RASA3: variants seen among roughly 807,000 people sequenced by gnomAD.
The protein encoded by RASA3 is RAS p21 protein activator 3.
RASA3 carries 73 observed loss-of-function variants against 110.0 expected under a neutral mutation model. That is an observed-to-expected ratio of 0.66 (90% CI 0.55 to 0.81). The LOEUF (loss-of-function observed/expected upper bound fraction) is 0.81. Ranked by LOEUF, RASA3 falls within the 30% of genes least tolerant of loss-of-function variation. RASA3 has a pLI of 0.00. For missense variants in RASA3, 976 were observed against 1,113.2 expected, an observed-to-expected ratio of 0.88 and a Z score of 1.75; for synonymous variants, 500 against 451.4, an observed-to-expected ratio of 1.11 and a Z score of -1.37.
chr13:114,017,390 G>A lies in RASA3; in HGVS notation c.1092-39C>T, dbSNP rs898691462. On this transcript the variant is annotated intron_variant, in intron 11 of 23. Transcript: ENST00000334062. ...ATGGGGACAGCGTTTGTCTCCTGGG[G>A]ACGCGGAAGTGCAGACGGAGCAGAG... is the stretch of plus-strand genomic sequence containing the variant. The A allele has an allele frequency of 2.6e-6, 4 of 1,546,240 alleles. No individual in the cohort carries two copies. The East Asian group carries it at 6.7e-5, about 26-fold the overall frequency.
At chr13:114,019,470 G>C (rs1338868895) in intron 9 of RASA3, among the ~76,000 whole-genome samples, 2 of 152,250 alleles carry the variant, frequency 1.3e-5, no homozygotes, top group Admixed American at 6.5e-5. Context: ...GGCAGTCTAA[G>C]CTCTCAGGTG....
At position 114,080,616 on chromosome 13, in the gene RASA3, G is replaced by A. The variant is rs371951313; in HGVS notation, c.56-6779C>T. ...TCTATGGTGACGGGGTGGCAGGAGG[G>A]GTCCTAGAAGGCGCCCACTGTGCTT... On this transcript the variant is annotated intron_variant, in intron 1 of 23. Transcript: ENST00000334062. Among the ~76,000 whole-genome samples the A allele has an allele frequency of 6.7e-5, 8 of 119,654 alleles. No homozygotes were observed. In the East Asian group the frequency reaches 1.7e-3, roughly 25 times the overall value. The allele number at this position is 119,654 out of a possible 152,430, so 78.5% of individuals were successfully genotyped here. A position where few individuals can be genotyped will look rare whatever the true frequency, so the allele number is the denominator to read the frequency against.
In RASA3 at chr13:114,057,417, C is replaced by T; in HGVS notation, c.174-5262G>A. On this transcript the variant is annotated intron_variant, in intron 2 of 23. Coordinates refer to ENST00000334062, the MANE Select transcript of RASA3 (RefSeq NM_007368.4). The surrounding 1 kb of genome is among the most constrained non-coding windows in gnomAD (Gnocchi z 5.0). The stretch of plus-strand genomic sequence containing the variant: ...TCCGGAGAGGCGGCCGTGCTACAGG[C>T]CTTGCACTCATTTTAATGAAGGCTC... The T allele has an allele frequency of 1.0e-6, 1 of 985,306 alleles. No homozygotes were observed. Among genetic ancestry groups the T allele is most frequent in the Non-Finnish European group, 1.2e-6 (1 of 829,916 alleles). The allele number at this position is 985,306 out of a possible 1,614,324, so 61.0% of individuals were successfully genotyped here.
intron 2 of RASA3, among the ~76,000 whole-genome samples, chr13:114,070,328 G>A (rs1019344120): frequency 2.0e-4 from 30 of 152,112 alleles, no homozygotes; most frequent in African/African-American, 6.8e-4. Context: ...CCCAGCATGT[G>A]GGGCAGCCCT....
chr13:114,015,470 G>A, intron 13 of RASA3, 138 bp from the exon 14 acceptor site: 1 of 1,021,206 alleles, frequency 9.8e-7, no homozygotes, highest in Non-Finnish European at 1.4e-6. Flanking sequence ...AGACACGTGT[G>A]AACAGCCACT....
At chr13:114,021,589 C>T (rs977699407) in intron 8 of RASA3, 81 bp from the exon 9 acceptor site, 1 of 1,164,626 alleles carries the variant, frequency 8.6e-7, no homozygotes, top group Non-Finnish European at 1.3e-6. Flanking sequence ...GCTTTGTTCC[C>T]CCAGGAGCAG....
At chr13:114,089,479 A>G (rs2079864516) in intron 1 of RASA3, among the ~76,000 whole-genome samples, 1 of 151,894 alleles carries the variant, frequency 6.6e-6, no homozygotes. Flanking sequence ...ACCAAGCAGA[A>G]GGTGCTGTCT....
intron 21 of RASA3, among the ~76,000 whole-genome samples, chr13:113,993,106 C>G (rs1294119666): frequency 6.6e-6 from 1 of 152,160 alleles, no homozygotes; most frequent in Non-Finnish European, 1.5e-5. Flanking sequence ...TATGAACACT[C>G]CAGACCTCAT....
chr13:114,059,262 A>G (rs1281871731), intron 2 of RASA3, among the ~76,000 whole-genome samples: 2 of 143,564 alleles, frequency 1.4e-5, no homozygotes, highest in Non-Finnish European at 3.1e-5. Flanking sequence ...GCATCTTCAC[A>G]GCACAGTCCC....
chr13:114,062,577 C>T (rs571675768), intron 2 of RASA3, among the ~76,000 whole-genome samples: 6 of 133,340 alleles, frequency 4.5e-5, no homozygotes, highest in South Asian at 2.3e-4. Flanking sequence ...CTCGGACACG[C>T]GTGCTCACAG....
chr13:114,097,542 C>T (rs923650416), intron 1 of RASA3, among the ~76,000 whole-genome samples: 1 of 152,264 alleles, frequency 6.6e-6, no homozygotes, highest in Admixed American at 6.5e-5. Context: ...CTGAAAACCC[C>T]ACCAGAAGTG....
chr13:114,013,156 T>A lies in RASA3; in HGVS notation c.1498A>T (p.Thr500Ser), dbSNP rs776532322. The A allele has an allele frequency of 5.0e-6, 8 of 1,612,956 alleles. No homozygotes were observed. The highest frequency in any genetic ancestry group is 6.8e-6 in the Non-Finnish European group (8 of 1,179,620). ...CGGTCACTCACCGTGTGGTGCGGCG[T>A]GAGCTGGAAGAGGTTGGGGGAGAGA... ...AILSPNLFQL[T>S]PHHTDPQTSR... The change falls in exon 15 of 24, where the codon ACG (threonine) becomes TCG (serine). Residue 500 changes from threonine to serine, a missense_variant. Around this residue, in one of 4 missense-constraint regions of RASA3, gnomAD observed 732 missense variants for 779.7 expected, o/e 0.94. Coordinates refer to ENST00000334062, the MANE Select transcript of RASA3 (RefSeq NM_007368.4).
At chr13:114,062,709 C>T (rs552273589) in intron 2 of RASA3, among the ~76,000 whole-genome samples, 2 of 152,216 alleles carry the variant, frequency 1.3e-5, no homozygotes, top group South Asian at 2.1e-4. Context: ...TCACAGCCCA[C>T]GTTCGCACGC....
chr13:113,979,622 G>A (rs944188306), intron 23 of RASA3, among the ~76,000 whole-genome samples, 200 bp from the exon 24 acceptor site: 10 of 152,176 alleles, frequency 6.6e-5, no homozygotes, highest in South Asian at 2.1e-4. Flanking sequence ...TGGGTCAGGC[G>A]TGCAAGTACA....
rs550207173 is a variant in RASA3, at chr13:114,002,559, A to C, written c.1743-1627T>G. 2.5e-3 allele frequency among the ~76,000 whole-genome samples: 377 copies of C among 152,328 alleles called. 1 individual carries two copies. Among genetic ancestry groups the C allele is most frequent in the Middle Eastern group, 0.024 (7 of 294 alleles). Reference sequence around the variant, plus strand: ...TGAGGGCAACAGGGCGCCTCTGAGAAGACTCTGGACCATGTAGCAGTTAGA... The same window carrying C: ...TGAGGGCAACAGGGCGCCTCTGAGACGACTCTGGACCATGTAGCAGTTAGA... On this transcript the variant is annotated intron_variant, in intron 18 of 23. Coordinates refer to ENST00000334062, the MANE Select transcript of RASA3 (RefSeq NM_007368.4).
intron 2 of RASA3, among the ~76,000 whole-genome samples, chr13:114,066,697 T>C (rs879154103): frequency 6.6e-6 from 1 of 152,206 alleles, no homozygotes; most frequent in African/African-American, 2.4e-5. Flanking sequence ...GAGAACCCCC[T>C]GCATCATTCT....
At position 114,011,958 on chromosome 13, in the gene RASA3, C is replaced by A. The variant is rs1342308784; in HGVS notation, c.1513-710G>T. ...GTGCTGGGGAATGGGCAATCCCTCA[C>A]GTCCTCTCGCCCTGGCCATCTCCTT... On this transcript the variant is annotated intron_variant, in intron 15 of 23. Coordinates refer to ENST00000334062, the MANE Select transcript of RASA3 (RefSeq NM_007368.4). The surrounding 1 kb of genome is among the most constrained non-coding windows in gnomAD (Gnocchi z 4.8). Among the ~76,000 whole-genome samples, 1 of 151,960 alleles carries A rather than the reference C, an allele frequency of 6.6e-6. No homozygotes were observed. The highest frequency in any genetic ancestry group is 1.5e-5 in the Non-Finnish European group (1 of 67,984).
At chr13:114,055,024 ATG>A (rs1269853353) in intron 2 of RASA3, among the ~76,000 whole-genome samples, 1 of 150,900 alleles carries the variant, frequency 6.6e-6, no homozygotes. Flanking sequence ...GCCCACAGGC[ATG>A]TGTGTGGGTG....
At chr13:114,066,212 G>A (rs1052240047) in intron 2 of RASA3, among the ~76,000 whole-genome samples, 4 of 152,090 alleles carry the variant, frequency 2.6e-5, no homozygotes, top group Non-Finnish European at 5.9e-5. Context: ...AATGAAAATC[G>A]GCTGGGTCTT....
Sources: gnomAD v4.1 joint callset for allele counts (sites outside exome capture counted in the v4.1 genomes callset) on GRCh38, gnomAD v4.1.1 for gene constraint, gnomAD v4.1.1 regional missense constraint, Gnocchi (gnomAD v3.1) non-coding constraint, MANE v1.5 for transcripts, NCBI Gene and HGNC (gene_info 2026-07-23, HGNC 2026-07-21) for gene names.